Variants in ADGRB3 observed in about 807,000 individuals in gnomAD.
ADGRB3 encodes the protein adhesion G protein-coupled receptor B3.
ADGRB3 carries 37 observed loss-of-function variants against 193.4 expected under a neutral mutation model. That is an observed-to-expected ratio of 0.19 (90% CI 0.15 to 0.25). The LOEUF is 0.25. Among genes scored for constraint, ADGRB3 ranks in the 10% least tolerant of loss-of-function variants. The probability of loss-of-function intolerance (pLI) is 1.00; values close to 1 mark genes in which losing one functional copy is unlikely to be tolerated. For missense variants in ADGRB3, 1,637 were observed against 1,852.9 expected (o/e 0.88, Z 2.14); for synonymous variants, 690 against 644.2 (o/e 1.07, Z -1.08).
chr6:68,784,751 TTC>T, intron 3 of ADGRB3, among the ~76,000 whole-genome samples: 1 of 152,266 alleles, frequency 6.6e-6, no homozygotes, highest in South Asian at 2.1e-4. Context: ...TTTTCCTGCC[TTC>T]TTTGATTTTA....
At chr6:69,327,383 A>AT (rs1474958053) in intron 21 of ADGRB3, among the ~76,000 whole-genome samples, 2 of 152,188 alleles carry the variant, frequency 1.3e-5, no homozygotes, top group African/African-American at 4.8e-5. Context: ...CTGTCTTATT[A>AT]TAAGTACAGC....
intron 17 of ADGRB3, among the ~76,000 whole-genome samples, chr6:69,095,719 G>A (rs552667195): frequency 6.6e-6 from 1 of 152,136 alleles, no homozygotes; most frequent in African/African-American, 2.4e-5. Flanking sequence ...ATCACAAAGT[G>A]GTTTTCAGAA....
intron 3 of ADGRB3, among the ~76,000 whole-genome samples, chr6:68,681,061 G>A (rs1355771006): frequency 6.6e-6 from 1 of 152,078 alleles, no homozygotes; most frequent in African/African-American, 2.4e-5. Flanking sequence ...TCATCATGGA[G>A]GAAGGCTAAG....
intron 3 of ADGRB3, among the ~76,000 whole-genome samples, chr6:68,865,910 C>T (rs925573570): frequency 1.3e-5 from 2 of 152,078 alleles, no homozygotes; most frequent in Non-Finnish European, 2.9e-5. Flanking sequence ...GAAGAAATTG[C>T]GTCTTACCAG....
At chr6:68,816,837 T>G (rs971917593) in intron 3 of ADGRB3, among the ~76,000 whole-genome samples, 2 of 152,134 alleles carry the variant, frequency 1.3e-5, no homozygotes, top group South Asian at 2.1e-4. Context: ...TTAAAATTCC[T>G]TTTAATGGAT....
At chr6:69,320,331 T>C (rs1301169568) in intron 20 of ADGRB3, among the ~76,000 whole-genome samples, 1 of 151,432 alleles carries the variant, frequency 6.6e-6, no homozygotes, top group Non-Finnish European at 1.5e-5. Flanking sequence ...TATTATTTTC[T>C]TTTTTAAACT....
At chr6:69,192,769 A>G (rs1765220203) in intron 17 of ADGRB3, among the ~76,000 whole-genome samples, 1 of 152,138 alleles carries the variant, frequency 6.6e-6, no homozygotes, top group Non-Finnish European at 1.5e-5. Flanking sequence ...CATTAAACAT[A>G]TATTTTTGAG....
At chr6:69,259,473 A>G (rs1450032773) in intron 20 of ADGRB3, among the ~76,000 whole-genome samples, 2 of 152,086 alleles carry the variant, frequency 1.3e-5, no homozygotes, top group Non-Finnish European at 2.9e-5. Context: ...AGGTGGGCGG[A>G]TCACGAGGCC....
chr6:68,676,343 C>G (rs1769086151), intron 3 of ADGRB3, among the ~76,000 whole-genome samples: 1 of 147,178 alleles, frequency 6.8e-6, no homozygotes, highest in Non-Finnish European at 1.5e-5. Context: ...GTGAGCCCAG[C>G]TCGCACCACT....
intron 11 of ADGRB3, among the ~76,000 whole-genome samples, chr6:69,008,106 C>T (rs1411635687): frequency 2.0e-5 from 3 of 152,094 alleles, no homozygotes; most frequent in African/African-American, 4.8e-5. Context: ...ATTTTAAAGG[C>T]CCCAACTCTT....
chr6:69,354,091 G>T (rs1769285126), intron 26 of ADGRB3, 142 bp from the exon 27 acceptor site: 2 of 532,184 alleles, frequency 3.8e-6, no homozygotes, highest in South Asian at 3.4e-5. Context: ...ATAATAATAA[G>T]TTTTTTTAAA....
chr6:68,887,261 C>T (rs766041317), intron 3 of ADGRB3, among the ~76,000 whole-genome samples: 25 of 152,160 alleles, frequency 1.6e-4, no homozygotes, highest in Non-Finnish European at 3.2e-4. Flanking sequence ...TCCCCTCACT[C>T]TTTCAACAAT....
At chr6:69,258,870 C>T (rs1019817654) in intron 20 of ADGRB3, among the ~76,000 whole-genome samples, 6 of 152,090 alleles carry the variant, frequency 3.9e-5, no homozygotes, top group Admixed American at 2.0e-4. Context: ...GCTCCACAGG[C>T]GATTCTGATA....
At chr6:69,002,662 C>A (rs185359887) in intron 11 of ADGRB3, among the ~76,000 whole-genome samples, 231 of 152,202 alleles carry the variant, frequency 1.5e-3, no homozygotes, top group African/African-American at 5.4e-3. Flanking sequence ...ACACTATTGG[C>A]TTTTTTATAT....
rs1342375577 is a variant in ADGRB3, at chr6:69,087,810, G to C, written c.2480+11772G>C. ...ACAATACCTTTGTTTAGAAAGGCTT[G>C]ACTACCCATGAGTCTACGTCACAGG... On this transcript the variant is annotated intron_variant, in intron 17 of 31. Transcript: ENST00000370598. Among the ~76,000 whole-genome samples the C allele has an allele frequency of 2.0e-5, 3 of 152,154 alleles. No individual in the cohort carries two copies. The East Asian group carries it at 5.8e-4, about 29-fold the overall frequency.
intron 17 of ADGRB3, among the ~76,000 whole-genome samples, chr6:69,166,254 C>G (rs1775130508): frequency 6.6e-6 from 1 of 152,014 alleles, no homozygotes; most frequent in South Asian, 2.1e-4. Flanking sequence ...ACCACAGTTT[C>G]AGCAGGTTCG....
chr6:69,029,184 T>C (rs183418041), intron 13 of ADGRB3, among the ~76,000 whole-genome samples: 2 of 152,236 alleles, frequency 1.3e-5, no homozygotes, highest in Non-Finnish European at 2.9e-5. Context: ...GAAATCATAC[T>C]CATCTGTTCT....
rs554803231 is a variant in ADGRB3, at chr6:69,381,968, A to C, written c.4276-863A>C. Among the ~76,000 whole-genome samples, 5 of 152,032 alleles carry C rather than the reference A, an allele frequency of 3.3e-5. No homozygotes were observed. The East Asian group carries it at 7.8e-4, about 24-fold the overall frequency. ...TTTTCTCCTTTAAAATAACAATTAC[A>C]AATACAGGGCACTTATTATCTAACT... On this transcript the variant is annotated intron_variant, in intron 30 of 31. Transcript: ENST00000370598.
intron 11 of ADGRB3, among the ~76,000 whole-genome samples, chr6:69,004,620 G>T (rs1004536658): frequency 6.9e-6 from 1 of 143,962 alleles, no homozygotes; most frequent in Non-Finnish European, 1.5e-5. Flanking sequence ...GTGTCCAAGT[G>T]TTCTCATTGT....
Sources: allele counts gnomAD v4.1 joint callset (sites outside exome capture counted in the v4.1 genomes callset), GRCh38; gene constraint gnomAD v4.1.1; transcripts MANE v1.5; gene names NCBI Gene and HGNC (gene_info 2026-07-23, HGNC 2026-07-21).